AVEN: variants seen among roughly 807,000 people sequenced by gnomAD.
The protein encoded by AVEN is apoptosis and caspase activation inhibitor.
A neutral mutation model predicts 38.1 loss-of-function variants in AVEN; 41 were observed. That is an observed-to-expected ratio of 1.08 (90% CI 0.84 to 1.40). AVEN has a LOEUF of 1.40. Ranked by LOEUF, AVEN falls within the 40% of genes most tolerant of loss-of-function variation. The probability of loss-of-function intolerance (pLI) is 0.00; values close to 1 mark genes in which losing one functional copy is unlikely to be tolerated. For synonymous variants in AVEN, 206 were observed against 171.8 expected, an observed-to-expected ratio of 1.20 and a Z score of -1.56; for missense variants, 605 against 438.8, an observed-to-expected ratio of 1.38 and a Z score of -3.38.
intron 2 of AVEN, among the ~76,000 whole-genome samples, chr15:33,906,025 G>A (rs185481239): frequency 1.3e-5 from 2 of 152,178 alleles, no homozygotes; most frequent in African/African-American, 2.4e-5. Context: ...TAGCCATGAA[G>A]GCATGCATTA....
At chr15:33,860,587 C>A (rs752879880) in intron 11 of AVEN, 3 of 1,563,466 alleles carry the variant, frequency 1.9e-6, no homozygotes, top group South Asian at 2.4e-5. Context: ...TTGTATTTAA[C>A]ATTCCAGGTC....
intron 1 of AVEN, among the ~76,000 whole-genome samples, chr15:34,006,305 C>T (rs1030449965): frequency 3.6e-5 from 5 of 140,312 alleles, no homozygotes; most frequent in African/African-American, 7.9e-5. Flanking sequence ...AGCGAGACTC[C>T]GTCTCAAAAA....
At chr15:33,892,078 T>G (rs1176014503) in intron 2 of AVEN, among the ~76,000 whole-genome samples, 2 of 152,186 alleles carry the variant, frequency 1.3e-5, no homozygotes, top group East Asian at 1.9e-4. Flanking sequence ...GATGGGGTTG[T>G]TTTTTTCTTG....
At chr15:33,946,902 C>T (rs995625861) in intron 2 of AVEN, among the ~76,000 whole-genome samples, 1 of 152,184 alleles carries the variant, frequency 6.6e-6, no homozygotes, top group Admixed American at 6.5e-5. Flanking sequence ...CAGCTGCACA[C>T]TGGACTCACC....
rs1271152787 is a variant in AVEN, at chr15:34,038,886, C to A, written c.161G>T (p.Gly54Val). 3 of 1,139,598 alleles carry A rather than the reference C, an allele frequency of 2.6e-6. No homozygotes were observed. In the African/African-American group the frequency reaches 5.0e-5, roughly 19 times the overall value. 70.6% of individuals were successfully genotyped at this position (1,139,598 alleles called of 1,614,324 possible). The change falls in exon 1 of 6, where the codon GGC (glycine) becomes GTC (valine). Residue 54 changes from glycine to valine, a missense_variant. Transcript: ENST00000306730. Reference sequence around the variant, plus strand: ...AGCGCCGCGGAAGCCCCGGCCACGGCCACGGCCCCGGCGTCCGCCTCCGTC... The same window carrying A: ...AGCGCCGCGGAAGCCCCGGCCACGGACACGGCCCCGGCGTCCGCCTCCGTC... ...GGDGGGRRGR[G>V]RGRGFRGARG...
chr15:33,911,447 G>A lies in AVEN; in HGVS notation c.446-35452C>T, dbSNP rs896648609. Among the ~76,000 whole-genome samples the A allele has an allele frequency of 3.3e-5, 5 of 152,124 alleles. No homozygotes were observed. In the East Asian group the frequency reaches 9.6e-4, roughly 29 times the overall value. On this transcript the variant is annotated intron_variant, in intron 2 of 5. Transcript: ENST00000306730. ...AAGGATAAAATACTTTACATACCCT[G>A]TTCACATGGCATTATATACTTTTCT...
chr15:33,878,154 A>G (rs1401251429), intron 2 of AVEN, among the ~76,000 whole-genome samples: 1 of 152,226 alleles, frequency 6.6e-6, no homozygotes, highest in Non-Finnish European at 1.5e-5. Context: ...TAAATTCACT[A>G]TTCAATCCCA....
At chr15:33,857,851 C>T, downstream of AVEN, 1 of 1,614,188 alleles carries the variant, frequency 6.2e-7, no homozygotes, top group Non-Finnish European at 8.5e-7. Flanking sequence ...ACTTCTTCCG[C>T]AAGTTCTACA....
At chr15:33,940,323 T>C (rs1894264777) in intron 2 of AVEN, among the ~76,000 whole-genome samples, 1 of 152,190 alleles carries the variant, frequency 6.6e-6, no homozygotes, top group Non-Finnish European at 1.5e-5. Context: ...TAATGCCAAA[T>C]ATTTCAATAA....
intron 1 of AVEN, chr15:34,006,909 C>T (rs1400640292): frequency 3.8e-6 from 1 of 260,320 alleles, no homozygotes; most frequent in Non-Finnish European, 6.0e-6. Context: ...TATGCAAAGC[C>T]TCAATATGGA....
At chr15:34,008,950 G>GCACA (rs1491109996) in intron 1 of AVEN, among the ~76,000 whole-genome samples, 498 of 23,538 alleles carry the variant, frequency 0.021, no homozygotes, top group African/African-American at 0.026. Context: ...ACACGTGCGC[G>GCACA]CGCGCACACA....
In AVEN at chr15:33,867,715, G is replaced by A. The variant is rs370527932; in HGVS notation, c.753C>T (p.Cys251=). 6.2e-7 allele frequency: 1 copy of A among 1,614,070 alleles called. No individual in the cohort carries two copies. Among genetic ancestry groups the A allele is most frequent in the East Asian group, 2.2e-5 (1 of 44,868 alleles). The change falls in exon 5 of 6, where the codon TGC becomes TGT. Residue 251 remains cysteine, a synonymous_variant. Transcript: ENST00000306730. ...GGTTGTCTTTGCCCAGCAACACAGG[G>A]CAGCCAGCAGCCACAGATTTCAGCT... is the stretch of plus-strand genomic sequence containing the variant. ...IFELKSVAAG[C]PVLLGKDNPS...
At chr15:33,946,822 A>T (rs907170825) in intron 2 of AVEN, among the ~76,000 whole-genome samples, 1 of 152,216 alleles carries the variant, frequency 6.6e-6, no homozygotes, top group Non-Finnish European at 1.5e-5. Flanking sequence ...GTAAAAGGGC[A>T]GCAGAGAAGT....
chr15:33,908,410 C>G lies in AVEN; in HGVS notation c.446-32415G>C. On this transcript the variant is annotated intron_variant, in intron 2 of 5. Coordinates refer to ENST00000306730, the MANE Select transcript of AVEN (RefSeq NM_020371.3). ...AAGATTCCTGCTTTTTTGTTCACAT[C>G]TTGAGCTGGTTATGAGTATTAACCC... Among the ~76,000 whole-genome samples, 2 of 58,638 alleles carry G rather than the reference C, an allele frequency of 3.4e-5. 1 individual carries two copies. Among genetic ancestry groups the G allele is most frequent in the Non-Finnish European group, 9.6e-5 (2 of 20,848 alleles). The allele number at this position is 58,638 out of a possible 152,430, so 38.5% of individuals were successfully genotyped here.
At chr15:33,881,837 T>C (rs1206218266) in intron 2 of AVEN, among the ~76,000 whole-genome samples, 1 of 152,210 alleles carries the variant, frequency 6.6e-6, no homozygotes, top group East Asian at 1.9e-4. Context: ...GAAGAGTTCC[T>C]GGTCTCTCAC....
intron 1 of AVEN, among the ~76,000 whole-genome samples, chr15:34,011,649 A>G (rs370385472): frequency 8.6e-4 from 131 of 152,304 alleles, no homozygotes; most frequent in African/African-American, 3.0e-3. Flanking sequence ...CCCACAACCA[A>G]GAAAATGGGA....
At chr15:33,997,206 A>C (rs1330914116) in intron 2 of AVEN, among the ~76,000 whole-genome samples, 1 of 152,226 alleles carries the variant, frequency 6.6e-6, no homozygotes, top group African/African-American at 2.4e-5. Context: ...ATTCAACTAA[A>C]ATTTAAAACA....
intron 2 of AVEN, among the ~76,000 whole-genome samples, chr15:33,961,888 T>A (rs1168984097): frequency 6.8e-6 from 1 of 147,550 alleles, no homozygotes; most frequent in Non-Finnish European, 1.5e-5. Flanking sequence ...TATGAACCAG[T>A]ATAACCAAGA....
chr15:33,857,723 C>T, downstream of AVEN: 34 of 1,603,130 alleles, frequency 2.1e-5, no homozygotes, highest in Non-Finnish European at 2.7e-5. Flanking sequence ...CTCCTGTGAA[C>T]CTTTCAAGGT....
Sources: gnomAD v4.1 joint callset for allele counts (sites outside exome capture counted in the v4.1 genomes callset) on GRCh38, gnomAD v4.1.1 for gene constraint, MANE v1.5 for transcripts, NCBI Gene and HGNC (gene_info 2026-07-23, HGNC 2026-07-21) for gene names.